The following DCC variants were observed in gnomAD, a reference collection of about 807,000 sequenced individuals.
DCC encodes the protein netrin receptor DCC.
A neutral mutation model predicts 172.5 loss-of-function variants in DCC; 58 were observed. The observed-to-expected ratio is 0.34, with a 90% CI of 0.27 to 0.42. The LOEUF (loss-of-function observed/expected upper bound fraction) is 0.42. Among genes scored for constraint, DCC ranks in the 10% least tolerant of loss-of-function variants. DCC has a pLI of 1.00. For synonymous variants in DCC, 709 were observed against 644.5 expected (o/e 1.10, Z -1.52); for missense variants, 1,740 against 1,791.0 (o/e 0.97, Z 0.51).
rs754359332 is a variant in DCC, at chr18:53,530,559, T to C, written c.4255-5T>C. ...ACTAACTCTTGGCTCTCATTCTCTT[T>C]ATAGGTGTATGAACAGGATGATCTG... On this transcript the variant is annotated splice_polypyrimidine_tract_variant and splice_region_variant and intron_variant, in intron 28 of 28. Coordinates refer to ENST00000442544, the MANE Select transcript of DCC (RefSeq NM_005215.4). 2.0e-5 allele frequency: 29 copies of C among 1,484,028 alleles called. No individual in the cohort carries two copies. The highest frequency in any genetic ancestry group is 1.4e-4 in the African/African-American group (10 of 72,352). 91.9% of individuals were successfully genotyped at this position (1,484,028 alleles called of 1,614,324 possible).
At position 53,328,261 on chromosome 18, in the gene DCC, A is replaced by G. The variant is rs117282637; in HGVS notation, c.2164+6104A>G. On this transcript the variant is annotated intron_variant, in intron 14 of 28. Transcript: ENST00000442544. ...TCTATGAGTTGCTTGACTTTTTTCT[A>G]AGTACCATGTAAAGGATCAGGTGGG... Among the ~76,000 whole-genome samples, 11 of 152,262 alleles carry G rather than the reference A, an allele frequency of 7.2e-5. No individual in the cohort carries two copies. The East Asian group carries it at 1.7e-3, about 24-fold the overall frequency.
At chr18:52,577,334 T>C (rs923326328) in intron 1 of DCC, among the ~76,000 whole-genome samples, 2 of 152,246 alleles carry the variant, frequency 1.3e-5, no homozygotes, top group African/African-American at 4.8e-5. Context: ...TACCTTTTCA[T>C]ATGCTTATCA....
chr18:53,228,030 T>G (rs1403549653), intron 12 of DCC, among the ~76,000 whole-genome samples: 1 of 152,196 alleles, frequency 6.6e-6, no homozygotes, highest in Non-Finnish European at 1.5e-5. Flanking sequence ...CTTTTATGCA[T>G]AGATAAGTCT....
At chr18:52,942,632 C>A (rs1344868837) in intron 5 of DCC, among the ~76,000 whole-genome samples, 3 of 152,158 alleles carry the variant, frequency 2.0e-5, no homozygotes, top group African/African-American at 2.4e-5. Context: ...AAAGCACAAA[C>A]CCCTGATAAA....
chr18:52,832,088 C>A (rs952597715), intron 2 of DCC, among the ~76,000 whole-genome samples: 1 of 152,148 alleles, frequency 6.6e-6, no homozygotes, highest in East Asian at 1.9e-4. Flanking sequence ...TTTAGCCATG[C>A]TTGCAGCATG....
chr18:52,728,249 T>G (rs966273473), intron 1 of DCC, among the ~76,000 whole-genome samples: 4 of 152,090 alleles, frequency 2.6e-5, no homozygotes, highest in African/African-American at 9.7e-5. Flanking sequence ...AATAAGCTAC[T>G]AAAAAGCATT....
rs2042836153 is a variant in DCC, at chr18:53,083,584, G to A, written c.1261+17418G>A. On this transcript the variant is annotated intron_variant, in intron 7 of 28. Coordinates refer to ENST00000442544, the MANE Select transcript of DCC (RefSeq NM_005215.4). ...TAACTGCAACATTACTTGCACATTAGTTTTTAGAAAGAGTACATTTTAACA... is the reference window on the plus strand; with the variant it reads ...TAACTGCAACATTACTTGCACATTAATTTTTAGAAAGAGTACATTTTAACA... 4.6e-5 allele frequency among the ~76,000 whole-genome samples: 7 copies of A among 152,114 alleles called. No homozygotes were observed. The South Asian group carries it at 1.4e-3, about 31-fold the overall frequency.
intron 5 of DCC, among the ~76,000 whole-genome samples, chr18:52,956,035 T>C (rs74638427): frequency 0.032 from 4,927 of 152,094 alleles, 103 homozygotes; most frequent in Non-Finnish European, 0.05. Context: ...TTCTCTAATC[T>C]TGTCTTTCAC....
At chr18:53,057,749 A>G (rs942637062) in intron 5 of DCC, among the ~76,000 whole-genome samples, 3 of 152,132 alleles carry the variant, frequency 2.0e-5, no homozygotes, top group African/African-American at 2.4e-5. Context: ...GTCATTAGGA[A>G]ATTGCTGCCA....
intron 3 of DCC, among the ~76,000 whole-genome samples, chr18:52,918,621 A>G (rs1287321281): frequency 6.6e-6 from 1 of 152,168 alleles, no homozygotes; most frequent in African/African-American, 2.4e-5. Flanking sequence ...TCCAAAGATG[A>G]AAAAACCACC....
At chr18:52,777,019 G>C (rs990585069) in intron 2 of DCC, among the ~76,000 whole-genome samples, 1 of 151,936 alleles carries the variant, frequency 6.6e-6, no homozygotes, top group African/African-American at 2.4e-5. Context: ...TTTTGTGTGT[G>C]TTTTGATTTT....
intron 1 of DCC, among the ~76,000 whole-genome samples, chr18:52,388,884 G>A (rs1985921882): frequency 6.6e-6 from 1 of 152,156 alleles, no homozygotes; most frequent in South Asian, 2.1e-4. Context: ...AAGTGCATTT[G>A]AGATATTTTT....
At chr18:52,408,130 A>G (rs1986716916) in intron 1 of DCC, among the ~76,000 whole-genome samples, 1 of 152,108 alleles carries the variant, frequency 6.6e-6, no homozygotes, top group Non-Finnish European at 1.5e-5. Context: ...AAAAGTCCAA[A>G]AACTTCTTGG....
chr18:53,195,529 G>GTTCATC (rs991365492), intron 9 of DCC, among the ~76,000 whole-genome samples: 11 of 152,060 alleles, frequency 7.2e-5, no homozygotes, highest in African/African-American at 2.4e-4. Context: ...CATTAATTTA[G>GTTCATC]TTCATCTTGG....
At position 53,410,665 on chromosome 18, in the gene DCC, T is replaced by C. The variant is rs774994423; in HGVS notation, c.3130+19T>C. ...CTGAAAGGTTTGAATAATTTCCTAT[T>C]ATGCTTTTCTTTTCCTGTGGGATTG... is the stretch of plus-strand genomic sequence containing the variant. On this transcript the variant is annotated intron_variant, in intron 20 of 28. Transcript: ENST00000442544. 7.7e-6 allele frequency: 11 copies of C among 1,423,156 alleles called. No homozygotes were observed. The East Asian group carries it at 2.5e-4, about 32-fold the overall frequency. The allele number at this position is 1,423,156 out of a possible 1,614,324, so 88.2% of individuals were successfully genotyped here.
At chr18:53,113,203 G>A (rs2144261770) in intron 7 of DCC, among the ~76,000 whole-genome samples, 1 of 151,520 alleles carries the variant, frequency 6.6e-6, no homozygotes, top group East Asian at 2.0e-4. Context: ...ATATTTTATT[G>A]TTTTTAAAAT....
At chr18:52,433,819 G>A (rs1987703436) in intron 1 of DCC, among the ~76,000 whole-genome samples, 1 of 152,124 alleles carries the variant, frequency 6.6e-6, no homozygotes, top group South Asian at 2.1e-4. Context: ...TATGAATCAA[G>A]TAGGTTTCTT....
intron 1 of DCC, among the ~76,000 whole-genome samples, chr18:52,734,122 T>C (rs35106686): frequency 0.031 from 4,793 of 152,234 alleles, 94 homozygotes; most frequent in Middle Eastern, 0.1. Context: ...TTCCAGTTTA[T>C]ACACTTTAAA....
At chr18:53,074,921 A>G (rs2042704869) in intron 7 of DCC, among the ~76,000 whole-genome samples, 1 of 152,172 alleles carries the variant, frequency 6.6e-6, no homozygotes, top group African/African-American at 2.4e-5. Flanking sequence ...TTCAGTAGAT[A>G]ATTGTCTCAA....
Sources: allele counts gnomAD v4.1 joint callset (sites outside exome capture counted in the v4.1 genomes callset), GRCh38; gene constraint gnomAD v4.1.1; transcripts MANE v1.5; gene names NCBI Gene and HGNC (gene_info 2026-07-23, HGNC 2026-07-21).